NID2: variants seen among roughly 807,000 people sequenced by gnomAD.
The protein encoded by NID2 is nidogen 2.
In NID2, 83 loss-of-function variants were observed where a neutral mutation model predicts 145.4. The ratio of observed to expected loss-of-function variants is 0.57; its 90% CI spans 0.48 to 0.69. The LOEUF (loss-of-function observed/expected upper bound fraction) is 0.69, where lower values mean the gene tolerates loss of function less well. Among genes scored for constraint, NID2 ranks in the 30% least tolerant of loss-of-function variants. The pLI, the probability that NID2 is intolerant of heterozygous loss-of-function variation, is 0.00. For synonymous variants in NID2, 739 were observed against 701.3 expected (o/e 1.05, Z -0.85); for missense variants, 1,807 against 1,765.7 (o/e 1.02, Z -0.42).
In NID2 at chr14:52,033,753, C is replaced by T. The variant is rs1187357381; in HGVS notation, c.2258-4063G>A. Among the ~76,000 whole-genome samples, 3 of 152,074 alleles carry T rather than the reference C, an allele frequency of 2.0e-5. No homozygotes were observed. In the East Asian group the frequency reaches 5.8e-4, roughly 29 times the overall value. On this transcript the variant is annotated intron_variant, in intron 9 of 21. Transcript: ENST00000216286. ...TCCTATTCAGGTAGAATGAACAGTA[C>T]TGCTGTGTGTGGATGAAGTAGGGTT...
rs1891000730 is a variant in NID2 at position 52,011,115 on chromosome 14, A to G, written c.3551-68T>C. Reference sequence around the variant, plus strand: ...TGGAGGGCAAACCTGAAGCCCTCCAACGGTCGGGTGGGCAGGGGGGTCAGC... The same window carrying G: ...TGGAGGGCAAACCTGAAGCCCTCCAGCGGTCGGGTGGGCAGGGGGGTCAGC... On this transcript the variant is annotated intron_variant, in intron 17 of 21. Transcript: ENST00000216286. The G allele has an allele frequency of 6.6e-6, 10 of 1,522,068 alleles. No homozygotes were observed. The South Asian group carries it at 9.2e-5, about 14-fold the overall frequency. 94.3% of individuals were successfully genotyped at this position (1,522,068 alleles called of 1,614,324 possible). A position where few individuals can be genotyped will look rare whatever the true frequency, so the allele number is the denominator to read the frequency against.
At chr14:52,055,032 A>C (rs1446109606) in intron 3 of NID2, among the ~76,000 whole-genome samples, 3 of 152,226 alleles carry the variant, frequency 2.0e-5, no homozygotes, top group African/African-American at 7.2e-5. Flanking sequence ...AACTCTACCA[A>C]ATACTGACAC....
At chr14:52,015,842 G>A (rs1318744975) in intron 14 of NID2, among the ~76,000 whole-genome samples, 6 of 152,212 alleles carry the variant, frequency 3.9e-5, no homozygotes, top group African/African-American at 1.4e-4. Context: ...GGTGCCCTCT[G>A]TCTACCCACT....
chr14:52,044,065 G>A (rs1378233462), intron 5 of NID2, among the ~76,000 whole-genome samples: 4 of 152,110 alleles, frequency 2.6e-5, no homozygotes, highest in Non-Finnish European at 5.9e-5. Flanking sequence ...ATCTGGAAAC[G>A]AGGAGACAGG....
Position 52,006,652 on chromosome 14 carries a change from T to C in NID2, c.3889A>G (p.Lys1297Glu). 1 of 1,613,368 alleles carries C rather than the reference T, an allele frequency of 6.2e-7. No homozygotes were observed. ...CCATCAGGTAGTGTACACTCCAGTTTTTTGGTTCCTTTTAAAACAAAGGGG... is the reference window on the plus strand; with the variant it reads ...CCATCAGGTAGTGTACACTCCAGTTCTTTGGTTCCTTTTAAAACAAAGGGG... ...LLCWADAGTK[K>E]LECTLPDGTG... The change falls in exon 20 of 22, where the codon AAA (lysine) becomes GAA (glutamate). Residue 1297 changes from lysine to glutamate, a missense_variant. Lys to Glu is a moderately conservative substitution (Grantham distance 56, BLOSUM62 1). Coordinates refer to ENST00000216286, the MANE Select transcript of NID2 (RefSeq NM_007361.4).
chr14:52,016,273 G>A (rs753923816), intron 14 of NID2, among the ~76,000 whole-genome samples: 3 of 152,204 alleles, frequency 2.0e-5, no homozygotes, highest in Non-Finnish European at 4.4e-5. Context: ...TTAAACAAGA[G>A]GAGGTGCTTC....
chr14:52,015,863 A>G (rs772733353), intron 14 of NID2, among the ~76,000 whole-genome samples: 3 of 152,198 alleles, frequency 2.0e-5, no homozygotes, highest in East Asian at 1.9e-4. Flanking sequence ...GGAAAACTAC[A>G]TGGAGTAAAG....
chr14:52,024,747 A>G (rs185458529), intron 12 of NID2, among the ~76,000 whole-genome samples: 2 of 152,336 alleles, frequency 1.3e-5, no homozygotes. Flanking sequence ...AACCAGAAAT[A>G]AAATAGGGAC....
At chr14:52,034,698 C>T (rs1452612286) in intron 9 of NID2, among the ~76,000 whole-genome samples, 1 of 152,196 alleles carries the variant, frequency 6.6e-6, no homozygotes, top group African/African-American at 2.4e-5. Flanking sequence ...GCCCTCAGCT[C>T]CAATAACAAA....
At chr14:52,052,698 A>T (rs183095866) in intron 5 of NID2, among the ~76,000 whole-genome samples, 1 of 152,344 alleles carries the variant, frequency 6.6e-6, no homozygotes, top group African/African-American at 2.4e-5. Context: ...CAACAGTGAC[A>T]GGAAACAGAA....
At chr14:52,066,313 A>T (rs1893213541) in intron 2 of NID2, among the ~76,000 whole-genome samples, 1 of 147,522 alleles carries the variant, frequency 6.8e-6, no homozygotes, top group Non-Finnish European at 1.5e-5. Context: ...GACACAGTTA[A>T]CGGGTACCAA....
At chr14:52,021,062 G>A (rs937561239) in intron 12 of NID2, among the ~76,000 whole-genome samples, 6 of 150,298 alleles carry the variant, frequency 4.0e-5, no homozygotes, top group Non-Finnish European at 5.9e-5. Context: ...TAAAACTAAC[G>A]CCCAAGGGAT....
At chr14:52,012,695 A>G (rs1398608176) in intron 16 of NID2, among the ~76,000 whole-genome samples, 2 of 151,852 alleles carry the variant, frequency 1.3e-5, no homozygotes, top group African/African-American at 4.8e-5. Context: ...TCATTGCTAA[A>G]TAAATGACAA....
chr14:52,058,968 A>G (rs150223215), intron 3 of NID2, among the ~76,000 whole-genome samples: 187 of 152,114 alleles, frequency 1.2e-3, no homozygotes, highest in African/African-American at 4.4e-3. Flanking sequence ...AAGATGCCCA[A>G]TGTGGATCAT....
At chr14:52,056,467 T>C (rs1316203880) in intron 3 of NID2, among the ~76,000 whole-genome samples, 3 of 152,134 alleles carry the variant, frequency 2.0e-5, no homozygotes, top group Admixed American at 2.0e-4. Context: ...CCTCCCTGGG[T>C]TGTTAGGAGA....
chr14:52,066,208 C>CA (rs1417263858), intron 2 of NID2, among the ~76,000 whole-genome samples: 1 of 151,722 alleles, frequency 6.6e-6, no homozygotes, highest in Non-Finnish European at 1.5e-5. Context: ...GTTTTAATTC[C>CA]AAAAACCTTG....
intron 5 of NID2, among the ~76,000 whole-genome samples, chr14:52,043,881 C>T (rs571917125): frequency 6.6e-6 from 1 of 152,232 alleles, no homozygotes; most frequent in East Asian, 1.9e-4. Context: ...GGCCAAGCGG[C>T]TGCACACACC....
chr14:52,014,305 C>CT lies in NID2; in HGVS notation c.3401dup (p.Thr1135AspfsTer14). On this transcript the variant is annotated frameshift_variant, in exon 16 of 22. Transcript: ENST00000216286. LOFTEE classifies it high-confidence loss of function. ...ACTTTACATGCAGAGACAGCAGGGT[C>CT]TTAGCTGCATCCTTCTGAAGCCTGG... The CT allele has an allele frequency of 6.2e-7, 1 of 1,614,240 alleles. No individual in the cohort carries two copies. Among genetic ancestry groups the CT allele is most frequent in the Non-Finnish European group, 8.5e-7 (1 of 1,180,048 alleles).
chr14:52,068,102 T>G lies in NID2; in HGVS notation c.290A>C (p.Tyr97Ser), dbSNP rs374386429. The change falls in exon 2 of 22, where the codon TAT becomes TCT. Residue 97 changes from tyrosine to serine, a missense_variant. Physicochemically the swap from Tyr to Ser is moderately radical, Grantham distance 144 (BLOSUM62 -2). Coordinates refer to ENST00000216286, the MANE Select transcript of NID2 (RefSeq NM_007361.4). ...GGCCGGGAAGTCGGTGGGGAAATCA[T>G]AGTCCACATACTGCGTTTCCCTGGG... ...DFPRETQYVD[Y>S]DFPTDFPAIA... The G allele has an allele frequency of 1.2e-6, 2 of 1,613,352 alleles. No individual in the cohort carries two copies. Among genetic ancestry groups the G allele is most frequent in the African/African-American group, 2.7e-5 (2 of 74,920 alleles).
Sources: allele counts gnomAD v4.1 joint callset (sites outside exome capture counted in the v4.1 genomes callset), GRCh38; gene constraint gnomAD v4.1.1; transcripts MANE v1.5; gene names NCBI Gene and HGNC (gene_info 2026-07-23, HGNC 2026-07-21).